Variants in HOXA13 observed in about 807,000 individuals in gnomAD.
The protein encoded by HOXA13 is homeobox protein Hox-A13.
Under a neutral mutation model 25.7 loss-of-function variants are expected in HOXA13, and 5 were observed. The observed-to-expected ratio is 0.19, with a 90% CI of 0.10 to 0.41. The LOEUF (loss-of-function observed/expected upper bound fraction) is 0.41, where lower values mean the gene tolerates loss of function less well. HOXA13 is among the 10% of genes least tolerant of loss of function. The pLI is 1.00. For missense variants in HOXA13, 557 were observed against 533.5 expected (o/e 1.04, Z -0.43); for synonymous variants, 284 against 241.1 (o/e 1.18, Z -1.65).
rs1243158347 is a variant in HOXA13 at position 27,199,974 on chromosome 7, A to T, written c.104T>A (p.Met35Lys). 2 of 1,433,694 alleles carry T rather than the reference A, an allele frequency of 1.4e-6. No individual in the cohort carries two copies. Among genetic ancestry groups the T allele is most frequent in the Non-Finnish European group, 1.9e-6 (2 of 1,077,508 alleles). 88.8% of individuals were successfully genotyped at this position (1,433,694 alleles called of 1,614,324 possible). ...GLVADELNKN[M>K]EGAAAAAAAA... The stretch of plus-strand genomic sequence containing the variant: ...TGCTGCAGCCGCCGCCGCCCCTTCC[A>T]TGTTCTTGTTGAGCTCGTCGGCCAC... The change falls in exon 1 of 2, where the codon ATG (methionine) becomes AAG (lysine). Residue 35 changes from methionine to lysine, a missense_variant. Transcript: ENST00000649031.
Position 27,199,408 on chromosome 7 carries a change from G to C in HOXA13, c.670C>G (p.Arg224Gly), listed in dbSNP as rs767443800. Residue 224 changes from arginine to glycine, a missense_variant, in exon 1 of 2, where the codon CGC becomes GGC. Coordinates refer to ENST00000649031, the MANE Select transcript of HOXA13 (RefSeq NM_000522.5). ...AGPAAEEFSS[R>G]AKEFAFYHQG... ...TGGTAGAAGGCGAACTCCTTAGCGC[G>C]GGAGCTGAACTCCTCGGCAGCTGGG... 1 of 1,614,048 alleles carries C rather than the reference G, an allele frequency of 6.2e-7. No homozygotes were observed. Among genetic ancestry groups the C allele is most frequent in the South Asian group, 1.1e-5 (1 of 91,088 alleles).
chr7:27,197,479 C>T lies in HOXA13; in HGVS notation c.*719G>A, dbSNP rs971424772. The T allele has an allele frequency of 4.8e-6, 1 of 210,128 alleles. No homozygotes were observed. The highest frequency in any genetic ancestry group is 2.3e-5 in the African/African-American group (1 of 44,074). 13.0% of individuals were successfully genotyped at this position (210,128 alleles called of 1,614,324 possible). A position where few individuals can be genotyped will look rare whatever the true frequency, so the allele number is the denominator to read the frequency against. On this transcript the variant is annotated 3_prime_UTR_variant, in exon 2 of 2. Transcript: ENST00000649031. ...AGCAGTAAATATAGTTCAAATGCCA[C>T]AAAATATGCTTGTTATAAGCAATTA...
intron 1 of HOXA13, chr7:27,198,843 T>G (rs762518140): frequency 4.0e-4 from 193 of 484,070 alleles, no homozygotes; most frequent in Non-Finnish European, 5.4e-4. Flanking sequence ...GAGGGGCAAT[T>G]TGGGGAGCTG....
intron 1 of HOXA13, 131 bp downstream of exon 1, chr7:27,199,025 T>C: frequency 5.9e-6 from 5 of 843,366 alleles, no homozygotes; most frequent in Non-Finnish European, 9.0e-6. Context: ...ATGCTCGGGC[T>C]CCCAGGGGTG....
chr7:27,197,931 T>G lies in HOXA13; in HGVS notation c.*267A>C. On this transcript the variant is annotated 3_prime_UTR_variant, in exon 2 of 2. Coordinates refer to ENST00000649031, the MANE Select transcript of HOXA13 (RefSeq NM_000522.5). ...TGCGTAACTTATCTGAAATTGCGTA[T>G]TTTGGGGGTTGACGTTTGACATTTA... The G allele has an allele frequency of 2.0e-6, 1 of 511,960 alleles. No homozygotes were observed. The highest frequency in any genetic ancestry group is 3.5e-6 in the Non-Finnish European group (1 of 285,500). 31.7% of individuals were successfully genotyped at this position (511,960 alleles called of 1,614,324 possible).
chr7:27,198,535 C>T, intron 1 of HOXA13, 93 bp from the exon 2 acceptor site: 3 of 1,515,002 alleles, frequency 2.0e-6, no homozygotes, highest in Non-Finnish European at 2.7e-6. Flanking sequence ...CCTTGCAGCG[C>T]CCGGCTGCTC....
intron 1 of HOXA13, 34 bp downstream of exon 1, chr7:27,199,122 G>C (rs1162148472): frequency 6.3e-7 from 1 of 1,589,422 alleles, no homozygotes; most frequent in East Asian, 2.2e-5. Flanking sequence ...GAGCAGAGCC[G>C]GAAGACCAGG....
rs1562520103 is a variant in HOXA13, at chr7:27,196,941, T to TGG, written c.*1256_*1257insCC. 10 of 181,546 alleles carry TGG rather than the reference T, an allele frequency of 5.5e-5. No homozygotes were observed. Among genetic ancestry groups the TGG allele is most frequent in the African/African-American group, 1.9e-4 (8 of 42,100 alleles). 11.2% of individuals were successfully genotyped at this position (181,546 alleles called of 1,614,324 possible). On this transcript the variant is annotated 3_prime_UTR_variant, in exon 2 of 2. Transcript: ENST00000649031. Reference sequence around the variant, plus strand: ...ATCACTATCTACAGGTCTAAGGGTTTTTTTTTTTCATTTTTAGTAGAAATA... The same window carrying TGG: ...ATCACTATCTACAGGTCTAAGGGTTTGGTTTTTTTTCATTTTTAGTAGAAATA...
In HOXA13 at chr7:27,199,721, A is replaced by T. The variant is rs916730569; in HGVS notation, c.357T>A (p.Ala119=). The T allele has an allele frequency of 2.0e-6, 2 of 992,986 alleles. No individual in the cohort carries two copies. Among genetic ancestry groups the T allele is most frequent in the Non-Finnish European group, 2.4e-6 (2 of 837,810 alleles). The allele number at this position is 992,986 out of a possible 1,614,324, so 61.5% of individuals were successfully genotyped here. A position where few individuals can be genotyped will look rare whatever the true frequency, so the allele number is the denominator to read the frequency against. The change falls in exon 1 of 2, where the codon GCT becomes GCA. Residue 119 remains alanine (A), a synonymous_variant. Transcript: ENST00000649031. The part of the protein sequence containing the change: ...PGEAPPSAAA[A]AAAAAAAAAA... ...CGGCTGCAGCGGCAGCCGCGGCAGC[A>T]GCGGCGGCAGCCGACGGGGGCGCCT...
Position 27,199,964 on chromosome 7 carries a change from C to T in HOXA13, c.114G>A (p.Ala38=), listed in dbSNP as rs1234098915. 1.4e-6 allele frequency: 2 copies of T among 1,422,800 alleles called. No individual in the cohort carries two copies. Among genetic ancestry groups the T allele is most frequent in the Non-Finnish European group, 1.9e-6 (2 of 1,072,152 alleles). 88.1% of individuals were successfully genotyped at this position (1,422,800 alleles called of 1,614,324 possible). A position where few individuals can be genotyped will look rare whatever the true frequency, so the allele number is the denominator to read the frequency against. The change falls in exon 1 of 2, where the codon GCG becomes GCA. Residue 38 remains alanine (A), a synonymous_variant. Coordinates refer to ENST00000649031, the MANE Select transcript of HOXA13 (RefSeq NM_000522.5). ...CTGCAGCCGCTGCTGCAGCCGCCGC[C>T]GCCCCTTCCATGTTCTTGTTGAGCT... ...ADELNKNMEG[A]AAAAAAAAAA...
chr7:27,199,616 G>C lies in HOXA13; in HGVS notation c.462C>G (p.Ser154Arg). The C allele has an allele frequency of 7.0e-7, 1 of 1,431,338 alleles. No individual in the cohort carries two copies. Among genetic ancestry groups the C allele is most frequent in the Non-Finnish European group, 9.1e-7 (1 of 1,100,444 alleles). 88.7% of individuals were successfully genotyped at this position (1,431,338 alleles called of 1,614,324 possible). A position where few individuals can be genotyped will look rare whatever the true frequency, so the allele number is the denominator to read the frequency against. ...PAGAEAAKQC[S>R]PCSAAAQSSS... ...AGCTCTGCGCCGCTGCCGAGCAGGG[G>C]CTGCATTGCTTGGCGGCCTCTGCGC... is the stretch of plus-strand genomic sequence containing the variant. Residue 154 changes from serine to arginine, a missense_variant, in exon 1 of 2, where the codon AGC (serine) becomes AGG (arginine). By Grantham distance (110) the Ser-to-Arg change is moderately radical. Coordinates refer to ENST00000649031, the MANE Select transcript of HOXA13 (RefSeq NM_000522.5).
chr7:27,199,539 G>A lies in HOXA13; in HGVS notation c.539C>T (p.Pro180Leu). Reference sequence around the variant, plus strand: ...GGGGTGCGGGCCCATGCGGGCGCACGGGTAGTAGCCGCTGCCGAAGTAGCC... The same window carrying A: ...GGGGTGCGGGCCCATGCGGGCGCACAGGTAGTAGCCGCTGCCGAAGTAGCC... ...PYGYFGSGYY[P>L]CARMGPHPNA... Residue 180 changes from proline to leucine, a missense_variant, in exon 1 of 2, where the codon CCG becomes CTG. Transcript: ENST00000649031. The A allele has an allele frequency of 6.3e-7, 1 of 1,582,056 alleles. No homozygotes were observed. Among genetic ancestry groups the A allele is most frequent in the Non-Finnish European group, 8.6e-7 (1 of 1,165,232 alleles).
chr7:27,198,768 T>G (rs1000450095), intron 1 of HOXA13: 23 of 499,560 alleles, frequency 4.6e-5, no homozygotes, highest in African/African-American at 1.3e-4. Flanking sequence ...CCTGCCTCCT[T>G]TCTGGGTGCC....
chr7:27,195,917 G>A lies in HOXA13; in HGVS notation c.*2281C>T, dbSNP rs1783998900. 1 of 152,218 alleles carries A rather than the reference G, an allele frequency of 6.6e-6. No individual in the cohort carries two copies. The highest frequency in any genetic ancestry group is 1.5e-5 in the Non-Finnish European group (1 of 68,036). The allele number at this position is 152,218 out of a possible 1,614,324, so 9.4% of individuals were successfully genotyped here. A position where few individuals can be genotyped will look rare whatever the true frequency, so the allele number is the denominator to read the frequency against. ...ACCCTGGAGGGTGAGGACCAGGAAG[G>A]AATGGTGATTTAAGAACACATCTTA... On this transcript the variant is annotated 3_prime_UTR_variant, in exon 2 of 2. Coordinates refer to ENST00000649031, the MANE Select transcript of HOXA13 (RefSeq NM_000522.5).
Position 27,198,058 on chromosome 7 carries a change from C to G in HOXA13, c.*140G>C. 1 of 959,436 alleles carries G rather than the reference C, an allele frequency of 1.0e-6. No individual in the cohort carries two copies. The highest frequency in any genetic ancestry group is 1.5e-5 in the South Asian group (1 of 68,824). The allele number at this position is 959,436 out of a possible 1,614,324, so 59.4% of individuals were successfully genotyped here. A position where few individuals can be genotyped will look rare whatever the true frequency, so the allele number is the denominator to read the frequency against. On this transcript the variant is annotated 3_prime_UTR_variant, in exon 2 of 2. Coordinates refer to ENST00000649031, the MANE Select transcript of HOXA13 (RefSeq NM_000522.5). The stretch of plus-strand genomic sequence containing the variant: ...CCATTAAAGAGAAAGAGATCTCCTT[C>G]GGGAGAGGAAAATGCCAGTCTCTGT...
At position 27,200,087 on chromosome 7, in the gene HOXA13, C is replaced by A; in HGVS notation, c.-10G>T. On this transcript the variant is annotated 5_prime_UTR_variant, in exon 1 of 2. Coordinates refer to ENST00000649031, the MANE Select transcript of HOXA13 (RefSeq NM_000522.5). Reference sequence around the variant, plus strand: ...GCACGGAGGCTGTCATAGCCCGAGCCGCATGGAGAAGACCCCAGTGGCGCT... The same window carrying A: ...GCACGGAGGCTGTCATAGCCCGAGCAGCATGGAGAAGACCCCAGTGGCGCT... The A allele has an allele frequency of 6.9e-7, 1 of 1,449,780 alleles. No homozygotes were observed. The highest frequency in any genetic ancestry group is 1.3e-5 in the South Asian group (1 of 78,842). The allele number at this position is 1,449,780 out of a possible 1,614,324, so 89.8% of individuals were successfully genotyped here.
chr7:27,199,746 TC>T lies in HOXA13; in HGVS notation c.331del (p.Glu111ArgfsTer224). 2 of 988,814 alleles carry T rather than the reference TC, an allele frequency of 2.0e-6. No homozygotes were observed. The highest frequency in any genetic ancestry group is 4.6e-5 in the South Asian group (1 of 21,902). 61.3% of individuals were successfully genotyped at this position (988,814 alleles called of 1,614,324 possible). On this transcript the variant is annotated frameshift_variant, in exon 1 of 2. Transcript: ENST00000649031. LOFTEE classifies it high-confidence loss of function. ...AASAYSSAPG[E>X]APPSAAAAAA... is the part of the protein sequence containing the mutation. ...AGCGGCGGCAGCCGACGGGGGCGCC[TC>T]CCCGGGGGCGCTGCTGTAGGCGGAC... is the stretch of plus-strand genomic sequence containing the variant.
At position 27,199,405 on chromosome 7, in the gene HOXA13, C is replaced by T. The variant is rs764293809; in HGVS notation, c.673G>A (p.Ala225Thr). ...TGGTGGTAGAAGGCGAACTCCTTAG[C>T]GCGGGAGCTGAACTCCTCGGCAGCT... is the stretch of plus-strand genomic sequence containing the variant. ...GPAAEEFSSR[A>T]KEFAFYHQGY... The change falls in exon 1 of 2, where the codon GCT becomes ACT. Residue 225 changes from alanine to threonine, a missense_variant. Ala to Thr is a moderately conservative substitution (Grantham distance 58). Coordinates refer to ENST00000649031, the MANE Select transcript of HOXA13 (RefSeq NM_000522.5). 3 of 1,614,056 alleles carry T rather than the reference C, an allele frequency of 1.9e-6. No homozygotes were observed. Among genetic ancestry groups the T allele is most frequent in the Non-Finnish European group, 2.5e-6 (3 of 1,179,980 alleles).
rs1338213792 is a variant in HOXA13, at chr7:27,196,688, A to T, written c.*1510T>A. The T allele has an allele frequency of 6.5e-6, 1 of 153,776 alleles. No individual in the cohort carries two copies. The highest frequency in any genetic ancestry group is 1.5e-5 in the Non-Finnish European group (1 of 68,904). The allele number at this position is 153,776 out of a possible 1,614,324, so 9.5% of individuals were successfully genotyped here. A position where few individuals can be genotyped will look rare whatever the true frequency, so the allele number is the denominator to read the frequency against. ...AATACCTGACACTTTAATCTCCTTG[A>T]AGCACTTATCATTTTTTAGGATTTT... On this transcript the variant is annotated 3_prime_UTR_variant, in exon 2 of 2. Transcript: ENST00000649031.
Sources: gnomAD v4.1 joint callset for allele counts on GRCh38, gnomAD v4.1.1 for gene constraint, MANE v1.5 for transcripts, NCBI Gene and HGNC (gene_info 2026-07-23, HGNC 2026-07-21) for gene names.